IL19: variants seen among roughly 807,000 people sequenced by gnomAD.
IL19 encodes interleukin-19.
A neutral mutation model predicts 19.5 loss-of-function variants in IL19; 15 were observed. The ratio of observed to expected loss-of-function variants is 0.77; its 90% CI spans 0.52 to 1.19. The LOEUF (loss-of-function observed/expected upper bound fraction) is 1.19. IL19 is among the 50% of genes most tolerant of loss of function. The probability of loss-of-function intolerance (pLI) is 0.00; values close to 1 mark genes in which losing one functional copy is unlikely to be tolerated. For missense variants in IL19, 199 were observed against 213.1 expected (o/e 0.93, Z 0.41); for synonymous variants, 78 against 78.3 (o/e 1.00, Z 0.02).
chr1:206,780,458 T>C (rs1419835349), intron 1 of IL19, among the ~76,000 whole-genome samples: 1 of 152,262 alleles, frequency 6.6e-6, no homozygotes, highest in African/African-American at 2.4e-5. Context: ...GAGAATGGAT[T>C]CATCTGAAGA....
intron 1 of IL19, chr1:206,772,189 G>A: frequency 4.8e-6 from 6 of 1,244,128 alleles, no homozygotes; most frequent in East Asian, 2.3e-5. Flanking sequence ...AGGCGCAGGA[G>A]GAGGGTTCTT....
chr1:206,796,432 G>A (rs4845136), intron 1 of IL19, among the ~76,000 whole-genome samples: 68,222 of 151,940 alleles, frequency 0.45, 15,818 homozygotes, highest in East Asian at 0.7. Flanking sequence ...CGAGGCTGGT[G>A]GCTTGTACTA....
chr1:206,841,271 T>C (rs1402632088), intron 6 of IL19, among the ~76,000 whole-genome samples, 193 bp downstream of exon 6: 1 of 152,232 alleles, frequency 6.6e-6, no homozygotes, highest in East Asian at 1.9e-4. Context: ...GGGCTCCCCA[T>C]CTCCATCATT....
rs367583222 is a variant in IL19, at chr1:206,788,004, TC to T, written c.-148-10852del. 7.2e-4 allele frequency among the ~76,000 whole-genome samples: 109 copies of T among 152,260 alleles called. 2 individuals are homozygous for T. In the East Asian group the frequency reaches 0.016, roughly 22 times the overall value. On this transcript the variant is annotated intron_variant, in intron 1 of 6. Transcript: ENST00000659997. The stretch of plus-strand genomic sequence containing the variant: ...TTTTTCAGCAAGCTTCCTTCTAAAA[TC>T]CCCCTCTGCCCAGAGTTCCTGGGGA...
chr1:206,830,601 T>C (rs1676571210), intron 2 of IL19, among the ~76,000 whole-genome samples: 1 of 151,866 alleles, frequency 6.6e-6, no homozygotes, highest in African/African-American at 2.4e-5. Context: ...ATATTTGAGA[T>C]GGAGTCTTGC....
rs150151755 is a variant in IL19, at chr1:206,814,690, T to TCTCACACA, written c.-3+15685_-3+15686insTCACACAC. On this transcript the variant is annotated intron_variant, in intron 2 of 6. Coordinates refer to ENST00000659997, the MANE Select transcript of IL19 (RefSeq NM_153758.5). ...GCCTGGGCAACAGAGTGAAACTCTG[T>TCTCACACA]CACACACACACACACACACACACAC... is the stretch of plus-strand genomic sequence containing the variant. Among the ~76,000 whole-genome samples the TCTCACACA allele has an allele frequency of 7.8e-4, 110 of 140,568 alleles. 1 individual carries two copies. The highest frequency in any genetic ancestry group is 2.9e-3 in the African/African-American group (105 of 36,436). The allele number at this position is 140,568 out of a possible 152,430, so 92.2% of individuals were successfully genotyped here.
At chr1:206,793,704 G>A (rs959081872) in intron 1 of IL19, among the ~76,000 whole-genome samples, 1 of 152,174 alleles carries the variant, frequency 6.6e-6, no homozygotes, top group African/African-American at 2.4e-5. Flanking sequence ...AAAAAAACAC[G>A]AGGCAGAAAA....
intron 2 of IL19, among the ~76,000 whole-genome samples, chr1:206,799,518 A>G (rs926549457): frequency 2.0e-5 from 3 of 152,188 alleles, no homozygotes; most frequent in Non-Finnish European, 4.4e-5. Flanking sequence ...GAGGCCACGT[A>G]GTCACTCCTT....
chr1:206,783,563 G>A (rs1005009671), intron 1 of IL19, among the ~76,000 whole-genome samples: 3 of 152,190 alleles, frequency 2.0e-5, no homozygotes, highest in African/African-American at 7.2e-5. Flanking sequence ...GCTAAGGGTT[G>A]TGCACTTGAG....
chr1:206,799,964 A>G (rs1675638609), intron 2 of IL19, among the ~76,000 whole-genome samples: 1 of 152,190 alleles, frequency 6.6e-6, no homozygotes, highest in African/African-American at 2.4e-5. Flanking sequence ...ACTTATCTAT[A>G]AGCAAGTTTG....
At chr1:206,814,635 A>G (rs1380962553) in intron 2 of IL19, among the ~76,000 whole-genome samples, 2 of 151,402 alleles carry the variant, frequency 1.3e-5, no homozygotes, top group Non-Finnish European at 2.9e-5. Flanking sequence ...TGGAGGTTGT[A>G]GTGAATCGAG....
At chr1:206,831,088 A>G (rs1676595306) in intron 2 of IL19, among the ~76,000 whole-genome samples, 2 of 152,110 alleles carry the variant, frequency 1.3e-5, no homozygotes, top group East Asian at 3.9e-4. Context: ...GGAATTATGC[A>G]ATTTTTGTAT....
In IL19 at chr1:206,798,971, T is replaced by A. The variant is rs745509694; in HGVS notation, c.-38T>A. The A allele has an allele frequency of 5.6e-6, 9 of 1,614,070 alleles. No homozygotes were observed. Among genetic ancestry groups the A allele is most frequent in the South Asian group, 4.4e-5 (4 of 91,068 alleles). Reference sequence around the variant, plus strand: ...ACACATGTGCACACACATATCCATGTGTGTGTGCCAGTGCTTTGGGGCTCT... The same window carrying A: ...ACACATGTGCACACACATATCCATGAGTGTGTGCCAGTGCTTTGGGGCTCT... On this transcript the variant is annotated 5_prime_UTR_variant, in exon 2 of 7. Coordinates refer to ENST00000659997, the MANE Select transcript of IL19 (RefSeq NM_153758.5).
intron 2 of IL19, chr1:206,833,765 G>A: frequency 1.0e-6 from 1 of 985,534 alleles, no homozygotes. Context: ...CCCTCCAGGG[G>A]ACAAGATGAA....
At chr1:206,807,254 A>G (rs1439632603) in intron 2 of IL19, among the ~76,000 whole-genome samples, 1 of 152,236 alleles carries the variant, frequency 6.6e-6, no homozygotes, top group Non-Finnish European at 1.5e-5. Flanking sequence ...CTACAATTCA[A>G]GATGAGATTT....
At chr1:206,794,782 C>A (rs1426589243) in intron 1 of IL19, among the ~76,000 whole-genome samples, 1 of 152,158 alleles carries the variant, frequency 6.6e-6, no homozygotes, top group Non-Finnish European at 1.5e-5. Flanking sequence ...TTTCCCTGGA[C>A]CACATTTTGT....
chr1:206,803,489 G>T (rs753141101), intron 2 of IL19, among the ~76,000 whole-genome samples: 16 of 152,098 alleles, frequency 1.1e-4, no homozygotes, highest in Non-Finnish European at 2.1e-4. Flanking sequence ...AGTCATTTTT[G>T]TTCCTGTCAG....
chr1:206,813,240 G>T (rs1431089724), intron 2 of IL19, among the ~76,000 whole-genome samples: 1 of 152,188 alleles, frequency 6.6e-6, no homozygotes, highest in Non-Finnish European at 1.5e-5. Flanking sequence ...GCCAATAGGG[G>T]CACTAGCTGG....
chr1:206,828,615 A>G (rs1676501292), intron 2 of IL19, among the ~76,000 whole-genome samples: 1 of 152,202 alleles, frequency 6.6e-6, no homozygotes, highest in South Asian at 2.1e-4. Flanking sequence ...TTTGAACCCA[A>G]TACCATTCTC....
Sources: gnomAD v4.1 joint callset for allele counts (sites outside exome capture counted in the v4.1 genomes callset) on GRCh38, gnomAD v4.1.1 for gene constraint, MANE v1.5 for transcripts, NCBI Gene and HGNC (gene_info 2026-07-23, HGNC 2026-07-21) for gene names.